Variants in LRRC75A observed in about 807,000 individuals in gnomAD.
LRRC75A encodes the protein leucine-rich repeat-containing protein 75A.
Under a neutral mutation model 26.0 loss-of-function variants are expected in LRRC75A, and 12 were observed. The ratio of observed to expected loss-of-function variants is 0.46; its 90% CI spans 0.30 to 0.75. The LOEUF (loss-of-function observed/expected upper bound fraction) is 0.75, where lower values mean the gene tolerates loss of function less well. Ranked by LOEUF, LRRC75A falls within the 30% of genes least tolerant of loss-of-function variation. The pLI is 0.08. For synonymous variants in LRRC75A, 223 were observed against 219.3 expected, an observed-to-expected ratio of 1.02 and a Z score of -0.15; for missense variants, 410 against 486.6, an observed-to-expected ratio of 0.84 and a Z score of 1.48.
intron 2 of LRRC75A, among the ~76,000 whole-genome samples, chr17:16,454,090 A>T (rs551332659): frequency 6.6e-6 from 1 of 152,304 alleles, no homozygotes; most frequent in Admixed American, 6.5e-5. Context: ...ACCAAGCCTG[A>T]GTATAAAAAC....
chr17:16,488,280 T>G (rs1161045459), intron 1 of LRRC75A, among the ~76,000 whole-genome samples: 1 of 152,256 alleles, frequency 6.6e-6, no homozygotes, highest in Non-Finnish European at 1.5e-5. Context: ...CATCCAAAGC[T>G]GGCTTGTTTT....
chr17:16,469,227 C>A (rs1462834281), intron 1 of LRRC75A, among the ~76,000 whole-genome samples: 1 of 152,194 alleles, frequency 6.6e-6, no homozygotes, highest in Non-Finnish European at 1.5e-5. Context: ...TCACTGCCCC[C>A]AAGAAGGATT....
intron 1 of LRRC75A, among the ~76,000 whole-genome samples, chr17:16,483,271 C>T (rs1288979963): frequency 6.6e-6 from 1 of 152,232 alleles, no homozygotes; most frequent in African/African-American, 2.4e-5. Context: ...GTGTGAAAGT[C>T]TGCAGGTTCC....
rs1165517848 is a variant in LRRC75A at position 16,443,830 on chromosome 17, A to G, written c.793T>C (p.Trp265Arg). The G allele has an allele frequency of 1.2e-6, 2 of 1,614,012 alleles. No homozygotes were observed. Among genetic ancestry groups the G allele is most frequent in the Admixed American group, 3.3e-5 (2 of 60,022 alleles). Residue 265 changes from tryptophan (W) to arginine (R), a missense_variant, in exon 4 of 4, where the codon TGG (tryptophan) becomes CGG (arginine). By Grantham distance (101) the Trp-to-Arg change is moderately radical (BLOSUM62 -3). Coordinates refer to ENST00000470794, the MANE Select transcript of LRRC75A (RefSeq NM_001113567.3). ...TCCACGTTGTTGCCCAGGTCAATCC[A>G]CGTGACATTGGGGAACTTGCTGGGA... is the stretch of plus-strand genomic sequence containing the variant. ...KDPSKFPNVT[W>R]IDLGNNVDIF... is the part of the protein sequence containing the mutation.
rs775247473 is a variant in LRRC75A at position 16,443,671 on chromosome 17, G to C, written c.952C>G (p.Gln318Glu). Residue 318 changes from glutamine to glutamate, a missense_variant, in exon 4 of 4, where the codon CAG becomes GAG. Transcript: ENST00000470794. The stretch of plus-strand genomic sequence containing the variant: ...ACAGGGCCCCCTCCAGGGTCCTCCT[G>C]GCCTACTGTCCCTTCCCGGACCTCC... Reference protein sequence around the residue: ...GEEVREGTVGQEDPGGGPVAP... With the variant: ...GEEVREGTVGEEDPGGGPVAP... 2 of 1,587,472 alleles carry C rather than the reference G, an allele frequency of 1.3e-6. No homozygotes were observed. The highest frequency in any genetic ancestry group is 2.3e-5 in the South Asian group (2 of 88,614).
At chr17:16,484,810 C>T (rs2093842604) in intron 1 of LRRC75A, among the ~76,000 whole-genome samples, 2 of 152,170 alleles carry the variant, frequency 1.3e-5, no homozygotes, top group South Asian at 4.1e-4. Context: ...AACACACTCA[C>T]ATACGAGGGC....
intron 2 of LRRC75A, among the ~76,000 whole-genome samples, chr17:16,455,561 C>T (rs1052972757): frequency 2.0e-5 from 3 of 151,884 alleles, no homozygotes; most frequent in East Asian, 3.9e-4. Flanking sequence ...TTTTGTATTT[C>T]TATTAGAGAC....
At chr17:16,485,669 T>TGTGTGTGTGTGTGTGTG (rs1555893680) in intron 1 of LRRC75A, among the ~76,000 whole-genome samples, 33 of 114,268 alleles carry the variant, frequency 2.9e-4, no homozygotes, top group African/African-American at 4.6e-4. Flanking sequence ...TGTGTGTGTG[T>TGTGTGTGTGTGTGTGTG]TCGTGTGTGT....
chr17:16,445,115 T>C (rs1189962116), intron 3 of LRRC75A, among the ~76,000 whole-genome samples: 2 of 148,304 alleles, frequency 1.3e-5, no homozygotes, highest in East Asian at 2.0e-4. Context: ...TCCCAAAGCA[T>C]TGGGATTACA....
At chr17:16,449,223 C>T (rs1354399773) in intron 2 of LRRC75A, among the ~76,000 whole-genome samples, 1 of 152,156 alleles carries the variant, frequency 6.6e-6, no homozygotes, top group African/African-American at 2.4e-5. Context: ...AGTGGGTGCT[C>T]AACAGGCTGC....
chr17:16,447,882 G>T lies in LRRC75A; in HGVS notation c.454C>A (p.Arg152=). The T allele has an allele frequency of 6.5e-7, 1 of 1,549,794 alleles. No homozygotes were observed. The highest frequency in any genetic ancestry group is 1.2e-5 in the South Asian group (1 of 83,966). Residue 152 remains arginine (R), a synonymous_variant, in exon 3 of 4, where the codon CGG becomes AGG. Coordinates refer to ENST00000470794, the MANE Select transcript of LRRC75A (RefSeq NM_001113567.3). The part of the protein sequence containing the change: ...YHLSPHSQWR[R]HRGLVKRKPQ... ...TTCCTTTTCACCAGCCCCCGGTGCCGCCTCCACTGGGAGTGGGGGCTGAGG... is the reference window on the plus strand; with the variant it reads ...TTCCTTTTCACCAGCCCCCGGTGCCTCCTCCACTGGGAGTGGGGGCTGAGG...
intron 1 of LRRC75A, among the ~76,000 whole-genome samples, chr17:16,482,846 C>T (rs1052872268): frequency 2.6e-5 from 4 of 152,238 alleles, no homozygotes; most frequent in African/African-American, 4.8e-5. Context: ...TGCCCAGGGA[C>T]GTATGCTGAG....
At chr17:16,446,931 G>A in intron 3 of LRRC75A, 1 of 333,014 alleles carries the variant, frequency 3.0e-6, no homozygotes, top group South Asian at 2.0e-5. Context: ...TCCTAGTTGT[G>A]GGTGGGGGTG....
chr17:16,475,100 TAAC>T (rs1568981412), intron 1 of LRRC75A, among the ~76,000 whole-genome samples: 1 of 152,012 alleles, frequency 6.6e-6, no homozygotes, highest in Non-Finnish European at 1.5e-5. Context: ...TCTGGCTCCC[TAAC>T]AACCTGAGTT....
chr17:16,453,499 A>G (rs1373429983), intron 2 of LRRC75A, among the ~76,000 whole-genome samples: 3 of 152,172 alleles, frequency 2.0e-5, no homozygotes, highest in African/African-American at 7.2e-5. Flanking sequence ...CTCACTGGCT[A>G]GACAGGAACA....
chr17:16,451,539 T>G (rs1477077850), intron 2 of LRRC75A, among the ~76,000 whole-genome samples: 1 of 151,248 alleles, frequency 6.6e-6, no homozygotes, highest in East Asian at 2.0e-4. Context: ...GGAGAATTGT[T>G]TGAACCCAGG....
chr17:16,445,703 AT>A (rs894488876), intron 3 of LRRC75A, among the ~76,000 whole-genome samples: 1 of 152,348 alleles, frequency 6.6e-6, no homozygotes, highest in Admixed American at 6.5e-5. Flanking sequence ...AAGGCGTGAC[AT>A]TTAAATGCTT....
chr17:16,461,380 T>C (rs1308630539), intron 2 of LRRC75A: 1 of 152,216 alleles, frequency 6.6e-6, no homozygotes. Context: ...CCACTGGAAA[T>C]TGAGGGATGA....
chr17:16,472,430 C>T (rs1165789091), intron 1 of LRRC75A, among the ~76,000 whole-genome samples: 6 of 152,192 alleles, frequency 3.9e-5, no homozygotes, highest in Admixed American at 6.5e-5. Flanking sequence ...CTGAGACCCC[C>T]CCACTGGAGG....
Sources: allele counts gnomAD v4.1 joint callset (sites outside exome capture counted in the v4.1 genomes callset), GRCh38; gene constraint gnomAD v4.1.1; transcripts MANE v1.5; gene names NCBI Gene and HGNC (gene_info 2026-07-23, HGNC 2026-07-21).